Variants in NOL4L observed in about 807,000 individuals in gnomAD.
The protein encoded by NOL4L is nucleolar protein 4 like, also known as nucleolar protein 4-like.
Under a neutral mutation model 64.5 loss-of-function variants are expected in NOL4L, and 7 were observed. That is an observed-to-expected ratio of 0.11 (90% CI 0.06 to 0.20). The LOEUF (loss-of-function observed/expected upper bound fraction) is 0.20, where lower values mean the gene tolerates loss of function less well. NOL4L is among the 10% of genes least tolerant of loss of function. The pLI, the probability that NOL4L is intolerant of heterozygous loss-of-function variation, is 1.00. For missense variants in NOL4L, 680 were observed against 967.1 expected (o/e 0.70, Z 3.94); for synonymous variants, 413 against 401.0 (o/e 1.03, Z -0.36).
intron 1 of NOL4L, among the ~76,000 whole-genome samples, chr20:32,552,106 G>A (rs1978338137): frequency 6.6e-6 from 1 of 152,064 alleles, no homozygotes; most frequent in Non-Finnish European, 1.5e-5. Context: ...TATTTTAAAT[G>A]GGTGAATTGT....
chr20:32,535,756 G>C, intron 1 of NOL4L: 1 of 985,540 alleles, frequency 1.0e-6, no homozygotes, highest in Non-Finnish European at 1.2e-6. Flanking sequence ...TGGAATGGGT[G>C]TAGGGGGAAG....
chr20:32,452,937 C>T lies in NOL4L; in HGVS notation c.1567G>A (p.Glu523Lys). 1.9e-6 allele frequency: 3 copies of T among 1,614,092 alleles called. No homozygotes were observed. The highest frequency in any genetic ancestry group is 2.5e-6 in the Non-Finnish European group (3 of 1,180,028). ...ENILAAACES[E>K]TRKAAKRMRL... ...ATCCGCTTGGCTGCCTTTCTTGTCT[C>T]GCTCTCACAGGCAGCTGCCAGGATG... Residue 523 changes from glutamate (E) to lysine (K), a missense_variant, in exon 9 of 11, where the codon GAG (glutamate) becomes AAG (lysine). Glu to Lys is a moderately conservative substitution (Grantham distance 56, BLOSUM62 1). Transcript: ENST00000621426.
At position 32,512,740 on chromosome 20, in the gene NOL4L, A is replaced by T. The variant is rs548195542; in HGVS notation, c.590-1284T>A. Among the ~76,000 whole-genome samples, 8 of 152,178 alleles carry T rather than the reference A, an allele frequency of 5.3e-5. No individual in the cohort carries two copies. The South Asian group carries it at 1.7e-3, about 32-fold the overall frequency. ...TGTCATAGGTATTTTCCCCAACATC[A>T]AGAATCTTATTTTGCTTTGTAAGTA... On this transcript the variant is annotated intron_variant, in intron 3 of 10. Coordinates refer to ENST00000621426, the MANE Select transcript of NOL4L (RefSeq NM_001256798.2).
intron 4 of NOL4L, among the ~76,000 whole-genome samples, chr20:32,488,791 C>CTTCCT (rs2016247225): frequency 1.9e-5 from 1 of 53,498 alleles, no homozygotes; most frequent in Non-Finnish European, 3.1e-5. Flanking sequence ...TCCTTCCTTC[C>CTTCCT]TTTCTTTCTT....
chr20:32,494,253 GAAA>G (rs566317193), intron 4 of NOL4L, among the ~76,000 whole-genome samples: 2 of 22,064 alleles, frequency 9.1e-5, no homozygotes, highest in African/African-American at 2.8e-4. Context: ...ATAATCTCGG[GAAA>G]AAAAAAAAAA....
intron 4 of NOL4L, among the ~76,000 whole-genome samples, chr20:32,501,188 AC>A (rs1217197890): frequency 6.6e-6 from 1 of 152,170 alleles, no homozygotes; most frequent in Non-Finnish European, 1.5e-5. Flanking sequence ...GATATTATGG[AC>A]CCTTAACAGG....
chr20:32,532,460 G>T, intron 1 of NOL4L: 1 of 718,026 alleles, frequency 1.4e-6, no homozygotes, highest in Non-Finnish European at 1.7e-6. Flanking sequence ...GTCACGTGCC[G>T]CAGACATCTC....
intron 1 of NOL4L, among the ~76,000 whole-genome samples, chr20:32,560,694 C>A (rs1184919121): frequency 6.6e-6 from 1 of 152,220 alleles, no homozygotes; most frequent in Non-Finnish European, 1.5e-5. Context: ...CACCAAAGGA[C>A]AAACAGCAAG....
chr20:32,584,100 C>G (rs1481963629), intron 1 of NOL4L, among the ~76,000 whole-genome samples: 2 of 141,234 alleles, frequency 1.4e-5, no homozygotes, highest in African/African-American at 5.1e-5. Context: ...CTCCCTCCCC[C>G]CCCCCCACCC....
intron 1 of NOL4L, among the ~76,000 whole-genome samples, chr20:32,556,402 G>A (rs892467466): frequency 2.8e-4 from 43 of 151,968 alleles, no homozygotes; most frequent in Admixed American, 5.9e-4. Context: ...AAGGTGCCTC[G>A]TCCTCTGCTA....
intron 1 of NOL4L, among the ~76,000 whole-genome samples, chr20:32,567,678 C>A (rs1014067917): frequency 2.0e-5 from 3 of 152,208 alleles, no homozygotes; most frequent in Non-Finnish European, 4.4e-5. Flanking sequence ...CTCACAGGGG[C>A]CCTTGGGCAA....
In NOL4L at chr20:32,460,778, G is replaced by A. The variant is rs1167148867; in HGVS notation, c.842-4383C>T. Reference sequence around the variant, plus strand: ...GGGCCCAGTGAGAGGGCCACTGTGGGGATGGGGGCAACTGCCACCCTCGGA... The same window carrying A: ...GGGCCCAGTGAGAGGGCCACTGTGGAGATGGGGGCAACTGCCACCCTCGGA... On this transcript the variant is annotated intron_variant, in intron 5 of 10. Coordinates refer to ENST00000621426, the MANE Select transcript of NOL4L (RefSeq NM_001256798.2). This position sits in a 1 kb window ranked among gnomAD's most constrained non-coding sequence, Gnocchi z 5.7. Among the ~76,000 whole-genome samples the A allele has an allele frequency of 6.6e-6, 1 of 152,188 alleles. No homozygotes were observed. Among genetic ancestry groups the A allele is most frequent in the Non-Finnish European group, 1.5e-5 (1 of 68,024 alleles).
At chr20:32,552,199 A>G (rs1203022962) in intron 1 of NOL4L, among the ~76,000 whole-genome samples, 2 of 152,228 alleles carry the variant, frequency 1.3e-5, no homozygotes, top group African/African-American at 4.8e-5. Flanking sequence ...TATTTTGTGT[A>G]AAACTAGAAA....
intron 1 of NOL4L, among the ~76,000 whole-genome samples, chr20:32,564,191 C>T (rs755328636): frequency 7.2e-5 from 11 of 152,162 alleles, no homozygotes; most frequent in Non-Finnish European, 1.3e-4. Context: ...CACCCGGCCG[C>T]GCCCCAGGAA....
At chr20:32,564,536 T>C (rs1600879942) in intron 1 of NOL4L, among the ~76,000 whole-genome samples, 1 of 152,258 alleles carries the variant, frequency 6.6e-6, no homozygotes, top group Admixed American at 6.5e-5. Flanking sequence ...AGTTTAAGGC[T>C]CCCATTTTGC....
chr20:32,582,970 G>A (rs2145629601), intron 1 of NOL4L, among the ~76,000 whole-genome samples: 1 of 151,982 alleles, frequency 6.6e-6, no homozygotes, highest in African/African-American at 2.4e-5. Flanking sequence ...ACCCAGACTC[G>A]CCGGGTTTGA....
chr20:32,528,046 G>A, intron 1 of NOL4L, 133 bp from the exon 2 acceptor site: 2 of 524,328 alleles, frequency 3.8e-6, no homozygotes, highest in South Asian at 3.5e-5. Context: ...AGGGGAGGGA[G>A]CCTACCGAGG....
At position 32,548,894 on chromosome 20, in the gene NOL4L, AAAG is replaced by A. The variant is rs147851579; in HGVS notation, c.322-20984_322-20982del. ...AAATTGAATACTACACAGCTGTAAAAAAGAAGGAGAAAGTTCTTTATGTTCTAA... is the reference window on the plus strand; with the variant it reads ...AAATTGAATACTACACAGCTGTAAAAAAGGAGAAAGTTCTTTATGTTCTAA... On this transcript the variant is annotated intron_variant, in intron 1 of 10. Transcript: ENST00000621426. The A allele has an allele frequency of 4.9e-4, 206 of 416,652 alleles. 1 individual carries two copies. The highest frequency in any genetic ancestry group is 3.6e-3 in the African/African-American group (175 of 48,030). The allele number at this position is 416,652 out of a possible 1,614,324, so 25.8% of individuals were successfully genotyped here.
chr20:32,483,735 G>A (rs1180149941), intron 4 of NOL4L, among the ~76,000 whole-genome samples: 7 of 132,702 alleles, frequency 5.3e-5, no homozygotes, highest in Non-Finnish European at 9.9e-5. Flanking sequence ...GCGGAGGGGC[G>A]GGTGAGAGGG....
Sources: gnomAD v4.1 joint callset for allele counts (sites outside exome capture counted in the v4.1 genomes callset) on GRCh38, gnomAD v4.1.1 for gene constraint, Gnocchi (gnomAD v3.1) non-coding constraint, MANE v1.5 for transcripts, NCBI Gene and HGNC (gene_info 2026-07-23, HGNC 2026-07-21) for gene names.